SNX1: variants seen among roughly 807,000 people sequenced by gnomAD.
The protein encoded by SNX1 is sorting nexin-1.
A neutral mutation model predicts 71.8 loss-of-function variants in SNX1; 36 were observed. The ratio of observed to expected loss-of-function variants is 0.50; its 90% confidence interval spans 0.38 to 0.66. The LOEUF (loss-of-function observed/expected upper bound fraction) is 0.66, where lower values mean the gene tolerates loss of function less well. Among genes scored for constraint, SNX1 ranks in the 30% least tolerant of loss-of-function variants. The pLI is 0.00. For synonymous variants in SNX1, 254 were observed against 240.7 expected (o/e 1.06, Z -0.51); for missense variants, 612 against 646.7 (o/e 0.95, Z 0.58).
chr15:64,111,137 A>G (rs746229808), intron 1 of SNX1, among the ~76,000 whole-genome samples: 11 of 152,346 alleles, frequency 7.2e-5, no homozygotes, highest in Middle Eastern at 3.4e-3. Context: ...TGTACTGTAC[A>G]AGAGTGTAGG....
chr15:64,117,316 G>A (rs1392771310), intron 2 of SNX1, among the ~76,000 whole-genome samples: 1 of 151,944 alleles, frequency 6.6e-6, no homozygotes, highest in Admixed American at 6.6e-5. Flanking sequence ...GTGCAGTGGC[G>A]CGATCTCGGC....
Position 64,112,628 on chromosome 15 carries a change from C to G in SNX1, c.215C>G (p.Ser72Cys), listed in dbSNP as rs150183282. 2 of 1,613,216 alleles carry G rather than the reference C, an allele frequency of 1.2e-6. No individual in the cohort carries two copies. The highest frequency in any genetic ancestry group is 2.7e-5 in the African/African-American group (2 of 74,814). ...TTSLLPINNG[S>C]KENGIHEEQD... Reference sequence around the variant, plus strand: ...TCCCTTCTTCCCATCAACAATGGCTCCAAAGAAAATGGGATCCATGAAGAA... The same window carrying G: ...TCCCTTCTTCCCATCAACAATGGCTGCAAAGAAAATGGGATCCATGAAGAA... The change falls in exon 2 of 15, where the codon TCC becomes TGC. Residue 72 changes from serine (S) to cysteine (C), a missense_variant. This residue lies in a region of SNX1 where 316 missense variants were observed against 284.9 expected (regional missense o/e 1.11). Coordinates refer to ENST00000559844, the MANE Select transcript of SNX1 (RefSeq NM_003099.5).
chr15:64,131,628 G>A, intron 10 of SNX1, 59 bp from the exon 11 acceptor site: 1 of 1,550,074 alleles, frequency 6.5e-7, no homozygotes, highest in Non-Finnish European at 8.9e-7. Context: ...AGTGTCAGCT[G>A]ATTTGTCCCT....
chr15:64,135,837 G>A (rs2081353938), intron 12 of SNX1, among the ~76,000 whole-genome samples: 2 of 151,612 alleles, frequency 1.3e-5, no homozygotes, highest in Non-Finnish European at 1.5e-5. Flanking sequence ...CACGAGAACC[G>A]CTTGAACCTG....
At chr15:64,123,579 T>G in intron 5 of SNX1, 33 bp downstream of exon 5, 1 of 1,587,914 alleles carries the variant, frequency 6.3e-7, no homozygotes, top group Non-Finnish European at 8.6e-7. Context: ...ATGACCATCT[T>G]CATAGACTTT....
intron 1 of SNX1, among the ~76,000 whole-genome samples, chr15:64,097,085 T>G (rs2080910411): frequency 6.6e-6 from 1 of 152,176 alleles, no homozygotes; most frequent in East Asian, 1.9e-4. Flanking sequence ...AGTGCTCCTT[T>G]TATGGTTCCT....
Position 64,138,004 on chromosome 15 carries a change from A to T in SNX1, c.*386A>T. On this transcript the variant is annotated 3_prime_UTR_variant, in exon 15 of 15. Coordinates refer to ENST00000559844, the MANE Select transcript of SNX1 (RefSeq NM_003099.5). ...TTATGTAATAAAATATTTTAAAATC[A>T]GGTCACATGACTCAGAATGTTGGTG... 1 of 1,482,550 alleles carries T rather than the reference A, an allele frequency of 6.7e-7. No homozygotes were observed. Among genetic ancestry groups the T allele is most frequent in the Non-Finnish European group, 8.9e-7 (1 of 1,124,488 alleles). The allele number at this position is 1,482,550 out of a possible 1,614,324, so 91.8% of individuals were successfully genotyped here.
chr15:64,127,125 C>T (rs1305743505), intron 6 of SNX1, 49 bp from the exon 7 acceptor site: 13 of 1,410,272 alleles, frequency 9.2e-6, no homozygotes, highest in Middle Eastern at 1.8e-4. Context: ...AAAGATTTAT[C>T]CTCTTCATGA....
At chr15:64,120,090 T>C (rs1215129553) in intron 4 of SNX1, among the ~76,000 whole-genome samples, 1 of 152,106 alleles carries the variant, frequency 6.6e-6, no homozygotes, top group East Asian at 1.9e-4. Context: ...TGGAGAACAA[T>C]AGGCCTCATC....
chr15:64,114,819 A>G (rs1188492160), intron 2 of SNX1, among the ~76,000 whole-genome samples: 1 of 152,230 alleles, frequency 6.6e-6, no homozygotes, highest in Non-Finnish European at 1.5e-5. Context: ...TACAATATTT[A>G]TTCTGATACT....
intron 5 of SNX1, among the ~76,000 whole-genome samples, chr15:64,123,813 AACC>A (rs2081220051): frequency 6.6e-6 from 1 of 152,128 alleles, no homozygotes; most frequent in Non-Finnish European, 1.5e-5. Context: ...CCTCTTAGAG[AACC>A]ATGTGGTTTG....
intron 4 of SNX1, among the ~76,000 whole-genome samples, chr15:64,120,655 T>TA (rs1351384139): frequency 9.9e-5 from 15 of 151,864 alleles, no homozygotes; most frequent in South Asian, 2.1e-4. Flanking sequence ...CTACAAAAAG[T>TA]AAAAAATTAG....
intron 4 of SNX1, among the ~76,000 whole-genome samples, chr15:64,121,572 G>T (rs1005763073): frequency 3.3e-5 from 5 of 152,188 alleles, no homozygotes; most frequent in African/African-American, 1.2e-4. Context: ...TTTTAACTCA[G>T]TTACATCGGT....
intron 4 of SNX1, among the ~76,000 whole-genome samples, chr15:64,123,238 G>A (rs549764472): frequency 1.3e-5 from 2 of 152,310 alleles, no homozygotes; most frequent in Admixed American, 1.3e-4. Context: ...ATGGAGCCTG[G>A]CCTGGCTTTG....
intron 1 of SNX1, among the ~76,000 whole-genome samples, chr15:64,097,201 A>G (rs1426871903): frequency 6.6e-6 from 1 of 152,264 alleles, no homozygotes; most frequent in Non-Finnish European, 1.5e-5. Flanking sequence ...GCCTGCGGCC[A>G]GTCTAAGGCA....
rs2081384497 is a variant in SNX1, at chr15:64,138,530, T to C, written c.*912T>C. The C allele has an allele frequency of 4.8e-6, 1 of 209,540 alleles. No individual in the cohort carries two copies. The highest frequency in any genetic ancestry group is 2.3e-5 in the African/African-American group (1 of 43,300). The allele number at this position is 209,540 out of a possible 1,614,324, so 13.0% of individuals were successfully genotyped here. On this transcript the variant is annotated 3_prime_UTR_variant, in exon 15 of 15. Transcript: ENST00000559844. ...TGAAGGTCTGATAATGACTTGATGC[T>C]TTGTCTCCATAGACATGAAAGCCAT...
At chr15:64,107,312 A>T (rs1166669484) in intron 1 of SNX1, among the ~76,000 whole-genome samples, 1 of 152,196 alleles carries the variant, frequency 6.6e-6, no homozygotes, top group African/African-American at 2.4e-5. Flanking sequence ...TTTGACTGTA[A>T]TGTAAGGGTT....
In SNX1 at chr15:64,137,892, A is replaced by G; in HGVS notation, c.*274A>G. 1.4e-6 allele frequency: 2 copies of G among 1,405,220 alleles called. No individual in the cohort carries two copies. Among genetic ancestry groups the G allele is most frequent in the Non-Finnish European group, 1.8e-6 (2 of 1,085,084 alleles). 87.0% of individuals were successfully genotyped at this position (1,405,220 alleles called of 1,614,324 possible). ...GATGGGGTGGAGTATTGATATAAAT[A>G]TATAAATACAAATGTATATTTTTCA... On this transcript the variant is annotated 3_prime_UTR_variant, in exon 15 of 15. Transcript: ENST00000559844.
At chr15:64,097,153 T>C (rs894109798) in intron 1 of SNX1, among the ~76,000 whole-genome samples, 3 of 152,216 alleles carry the variant, frequency 2.0e-5, no homozygotes, top group African/African-American at 7.2e-5. Context: ...CCGAGGTGAA[T>C]TGGCGTCCTG....
Sources: allele counts gnomAD v4.1 joint callset (sites outside exome capture counted in the v4.1 genomes callset), GRCh38; gene constraint gnomAD v4.1.1; regional missense constraint gnomAD v4.1.1; transcripts MANE v1.5; gene names NCBI Gene and HGNC (gene_info 2026-07-23, HGNC 2026-07-21).